The following MYO5B variants were observed in gnomAD, a reference collection of about 807,000 sequenced individuals.
MYO5B encodes myosin VB.
In MYO5B, 143 loss-of-function variants were observed where a neutral mutation model predicts 229.3. That is an observed-to-expected ratio of 0.62 (90% confidence interval 0.54 to 0.72). The LOEUF (loss-of-function observed/expected upper bound fraction) is 0.72, where lower values mean the gene tolerates loss of function less well. Ranked by LOEUF, MYO5B falls within the 30% of genes least tolerant of loss-of-function variation. The pLI is 0.00. For missense variants in MYO5B, 2,321 were observed against 2,331.0 expected (o/e 1.00, Z 0.09); for synonymous variants, 918 against 885.2 (o/e 1.04, Z -0.66).
At chr18:50,056,924 T>C (rs2030565074) in intron 1 of MYO5B, among the ~76,000 whole-genome samples, 1 of 152,222 alleles carries the variant, frequency 6.6e-6, no homozygotes, top group Non-Finnish European at 1.5e-5. Flanking sequence ...GCCAAAGTCA[T>C]CTGTTTCATT....
chr18:49,825,512 T>A lies in MYO5B; in HGVS notation c.*959A>T, dbSNP rs1352190163. Reference sequence around the variant, plus strand: ...ATGTGCGAACTTTAGTTTGTTTTACTATTTGGTTTCTGGAACAGTAGAGCA... The same window carrying A: ...ATGTGCGAACTTTAGTTTGTTTTACAATTTGGTTTCTGGAACAGTAGAGCA... On this transcript the variant is annotated 3_prime_UTR_variant, in exon 40 of 40. Coordinates refer to ENST00000285039, the MANE Select transcript of MYO5B (RefSeq NM_001080467.3). 6.6e-6 allele frequency: 1 copy of A among 152,246 alleles called. No individual in the cohort carries two copies. The highest frequency in any genetic ancestry group is 2.4e-5 in the African/African-American group (1 of 41,478). The allele number at this position is 152,246 out of a possible 1,614,324, so 9.4% of individuals were successfully genotyped here. A position where few individuals can be genotyped will look rare whatever the true frequency, so the allele number is the denominator to read the frequency against.
chr18:49,880,250 T>C (rs2024571972), intron 23 of MYO5B, 121 bp downstream of exon 23: 1 of 873,470 alleles, frequency 1.1e-6, no homozygotes, highest in African/African-American at 1.7e-5. Flanking sequence ...CTTCTTCTAT[T>C]AAAATCCTTT....
chr18:50,150,290 C>A (rs1213965629), intron 1 of MYO5B, among the ~76,000 whole-genome samples: 1 of 144,550 alleles, frequency 6.9e-6, no homozygotes, highest in Non-Finnish European at 1.5e-5. Context: ...CCTCAGGGAT[C>A]TAGAACTAGA....
intron 1 of MYO5B, among the ~76,000 whole-genome samples, chr18:50,139,266 T>A (rs2032381989): frequency 6.6e-6 from 1 of 152,200 alleles, no homozygotes; most frequent in African/African-American, 2.4e-5. Flanking sequence ...ACTTTGCAGC[T>A]GAGCATTAAG....
chr18:49,825,445 A>T lies in MYO5B; in HGVS notation c.*1026T>A, dbSNP rs2023830872. 6.6e-6 allele frequency: 1 copy of T among 151,808 alleles called. No individual in the cohort carries two copies. The highest frequency in any genetic ancestry group is 6.6e-5 in the Admixed American group (1 of 15,248). 9.4% of individuals were successfully genotyped at this position (151,808 alleles called of 1,614,324 possible). A position where few individuals can be genotyped will look rare whatever the true frequency, so the allele number is the denominator to read the frequency against. On this transcript the variant is annotated 3_prime_UTR_variant, in exon 40 of 40. Coordinates refer to ENST00000285039, the MANE Select transcript of MYO5B (RefSeq NM_001080467.3). ...AAAAAAACCCAAACTTTTGTATAAT[A>T]TCCCTGAACTGATTATTTTTGAAGG...
chr18:50,115,466 C>G (rs945075030), intron 1 of MYO5B, among the ~76,000 whole-genome samples: 18 of 152,064 alleles, frequency 1.2e-4, no homozygotes, highest in African/African-American at 4.1e-4. Flanking sequence ...GAGCACCTAC[C>G]AGGGCCAGGT....
chr18:49,996,809 TATAA>T (rs1185615464), intron 5 of MYO5B, among the ~76,000 whole-genome samples: 1 of 152,232 alleles, frequency 6.6e-6, no homozygotes, highest in Non-Finnish European at 1.5e-5. Flanking sequence ...GAAGAGATTC[TATAA>T]ATATAGTGTG....
intron 17 of MYO5B, among the ~76,000 whole-genome samples, chr18:49,927,037 T>C (rs2025135821): frequency 6.6e-6 from 1 of 152,210 alleles, no homozygotes; most frequent in African/African-American, 2.4e-5. Context: ...ATATTGTTAA[T>C]GCCGCAGTTT....
At chr18:50,115,837 G>C (rs1054588216) in intron 1 of MYO5B, among the ~76,000 whole-genome samples, 1 of 151,968 alleles carries the variant, frequency 6.6e-6, no homozygotes, top group Admixed American at 6.6e-5. Flanking sequence ...GGAGGGTAGT[G>C]GTAGGTAAAG....
chr18:50,172,329 T>C (rs1272874173), intron 1 of MYO5B, among the ~76,000 whole-genome samples: 1 of 149,106 alleles, frequency 6.7e-6, no homozygotes, highest in Non-Finnish European at 1.5e-5. Flanking sequence ...GCTAGCACAT[T>C]AGTGAGTGCA....
At chr18:49,861,995 G>GTTTTT (rs978135894) in intron 29 of MYO5B, among the ~76,000 whole-genome samples, 2 of 131,128 alleles carry the variant, frequency 1.5e-5, no homozygotes, top group Admixed American at 1.6e-4. Context: ...CCAGCTCCAT[G>GTTTTT]TTTTTTTTTT....
chr18:50,056,988 T>G (rs1444730773), intron 1 of MYO5B, among the ~76,000 whole-genome samples: 1 of 152,260 alleles, frequency 6.6e-6, no homozygotes. Context: ...TTAAGCCTGC[T>G]GCCTTATGGC....
Position 50,194,981 on chromosome 18 carries a change from T to C in MYO5B, c.-188A>G. On this transcript the variant is annotated 5_prime_UTR_variant, in exon 1 of 40. Coordinates refer to ENST00000285039, the MANE Select transcript of MYO5B (RefSeq NM_001080467.3). ...GGCTCGCTCCCGGCGGCGCGACCTTTACTCCCGCCGCGGCGGCGCAGCTAC... is the reference window on the plus strand; with the variant it reads ...GGCTCGCTCCCGGCGGCGCGACCTTCACTCCCGCCGCGGCGGCGCAGCTAC... 1.2e-6 allele frequency: 1 copy of C among 802,682 alleles called. No individual in the cohort carries two copies. Among genetic ancestry groups the C allele is most frequent in the Admixed American group, 4.6e-5 (1 of 21,850 alleles). The allele number at this position is 802,682 out of a possible 1,614,324, so 49.7% of individuals were successfully genotyped here.
At chr18:49,917,525 A>G (rs994689702) in intron 17 of MYO5B, among the ~76,000 whole-genome samples, 1 of 151,316 alleles carries the variant, frequency 6.6e-6, no homozygotes, top group African/African-American at 2.4e-5. Flanking sequence ...CACCTTCTCG[A>G]CTTCCATCAC....
intron 1 of MYO5B, among the ~76,000 whole-genome samples, chr18:50,138,632 G>A: frequency 6.6e-6 from 1 of 151,374 alleles, no homozygotes; most frequent in East Asian, 1.9e-4. Context: ...GACCTTTTGT[G>A]GTGATGACTC....
At chr18:50,097,401 A>G (rs1270502421) in intron 1 of MYO5B, 1 of 399,272 alleles carries the variant, frequency 2.5e-6, no homozygotes, top group Non-Finnish European at 5.1e-6. Flanking sequence ...AGTCCTCAAT[A>G]AAGATTTAAT....
At chr18:49,888,777 G>A (rs551690772) in intron 22 of MYO5B, among the ~76,000 whole-genome samples, 17 of 152,276 alleles carry the variant, frequency 1.1e-4, no homozygotes, top group East Asian at 3.9e-4. Flanking sequence ...AGGCTCTGTC[G>A]TTCCCATTCT....
At chr18:49,989,689 G>A (rs2025908627) in intron 7 of MYO5B, among the ~76,000 whole-genome samples, 1 of 152,164 alleles carries the variant, frequency 6.6e-6, no homozygotes, top group African/African-American at 2.4e-5. Flanking sequence ...TACTCCACTG[G>A]CTCCACATCA....
chr18:49,933,172 A>T (rs2025213006), intron 16 of MYO5B, among the ~76,000 whole-genome samples: 1 of 152,206 alleles, frequency 6.6e-6, no homozygotes, highest in Non-Finnish European at 1.5e-5. Context: ...AGCATCCTGC[A>T]GTCACATCTC....
Sources: gnomAD v4.1 joint callset for allele counts (sites outside exome capture counted in the v4.1 genomes callset) on GRCh38, gnomAD v4.1.1 for gene constraint, MANE v1.5 for transcripts, NCBI Gene and HGNC (gene_info 2026-07-23, HGNC 2026-07-21) for gene names.